RAPGEF4: variants seen among roughly 807,000 people sequenced by gnomAD.
The protein encoded by RAPGEF4 is RAP guanine-nucleotide-exchange factor (GEF) 4.
Under a neutral mutation model 147.9 loss-of-function variants are expected in RAPGEF4, and 66 were observed. The observed-to-expected ratio is 0.45, with a 90% CI of 0.37 to 0.55. RAPGEF4 has a LOEUF of 0.55. RAPGEF4 is among the 20% of genes least tolerant of loss of function. The pLI is 0.00. For missense variants in RAPGEF4, 1,071 were observed against 1,257.3 expected (o/e 0.85, Z 2.24); for synonymous variants, 419 against 442.7 (o/e 0.95, Z 0.67).
Position 173,005,520 on chromosome 2 carries a change from G to GTTTTTTTTTT in RAPGEF4, c.1658+4188_1658+4197dup. Among the ~76,000 whole-genome samples, 79 of 86,714 alleles carry GTTTTTTTTTT rather than the reference G, an allele frequency of 9.1e-4. 2 individuals carry two copies. Among genetic ancestry groups the GTTTTTTTTTT allele is most frequent in the African/African-American group, 1.1e-3 (23 of 21,694 alleles). 56.9% of individuals were successfully genotyped at this position (86,714 alleles called of 152,430 possible). A position where few individuals can be genotyped will look rare whatever the true frequency, so the allele number is the denominator to read the frequency against. ...TTTGTTGTTGTTGTTGTTGTTTTGT[G>GTTTTTTTTTT]TTTTTTTTTTTTTTTTTTTTTGAGA... On this transcript the variant is annotated intron_variant, in intron 17 of 30. Coordinates refer to ENST00000397081, the MANE Select transcript of RAPGEF4 (RefSeq NM_007023.4).
intron 29 of RAPGEF4, among the ~76,000 whole-genome samples, chr2:173,038,526 G>A (rs1380687083): frequency 1.3e-5 from 2 of 152,160 alleles, no homozygotes; most frequent in Non-Finnish European, 2.9e-5. Context: ...TCATAAGTGG[G>A]AGTTGAACAA....
chr2:172,838,826 G>A (rs1691251883), intron 4 of RAPGEF4, among the ~76,000 whole-genome samples: 1 of 148,850 alleles, frequency 6.7e-6, no homozygotes, highest in African/African-American at 2.5e-5. Flanking sequence ...GAGGATGGGA[G>A]GCAAACTTGC....
chr2:173,027,361 T>C, intron 25 of RAPGEF4, 102 bp downstream of exon 25: 3 of 949,802 alleles, frequency 3.2e-6, no homozygotes, highest in South Asian at 1.9e-5. Flanking sequence ...ATCTAGGAAC[T>C]GCTAGAGGGC....
chr2:172,998,411 G>C (rs1395054096), intron 16 of RAPGEF4, among the ~76,000 whole-genome samples: 1 of 152,190 alleles, frequency 6.6e-6, no homozygotes, highest in Non-Finnish European at 1.5e-5. Context: ...ATAGATCTTA[G>C]AGAGTCTTAA....
intron 1 of RAPGEF4, among the ~76,000 whole-genome samples, chr2:172,736,425 G>A (rs550822596): frequency 8.5e-5 from 13 of 152,272 alleles, no homozygotes; most frequent in African/African-American, 2.4e-4. Flanking sequence ...GACCTTGCGG[G>A]GTATGAAGTT....
Position 172,776,745 on chromosome 2 carries a change from A to G in RAPGEF4, c.66-18280A>G, listed in dbSNP as rs568363217. Among the ~76,000 whole-genome samples, 4 of 151,840 alleles carry G rather than the reference A, an allele frequency of 2.6e-5. No individual in the cohort carries two copies. The South Asian group carries it at 8.3e-4, about 32-fold the overall frequency. On this transcript the variant is annotated intron_variant, in intron 1 of 30. Transcript: ENST00000397081. ...TAAGTCCATACAGTGAATTTTTTTC[A>G]TATTTTGTATTTTTAAGTTTTAGAA...
At chr2:172,956,072 T>G (rs180767643) in intron 6 of RAPGEF4, among the ~76,000 whole-genome samples, 1 of 152,334 alleles carries the variant, frequency 6.6e-6, no homozygotes, top group Admixed American at 6.5e-5. Flanking sequence ...AGAGATCGGA[T>G]GCGGGAAGCT....
chr2:172,736,079 G>A (rs1345430260), intron 1 of RAPGEF4, 31 bp downstream of exon 1: 1 of 1,447,178 alleles, frequency 6.9e-7, no homozygotes, highest in Non-Finnish European at 9.1e-7. Context: ...GCCGGGGGCC[G>A]AGCTCTGCGG....
intron 6 of RAPGEF4, among the ~76,000 whole-genome samples, chr2:172,924,187 T>C (rs183258362): frequency 9.8e-5 from 15 of 152,288 alleles, no homozygotes; most frequent in African/African-American, 3.6e-4. Context: ...TCACACAGAA[T>C]GTCCAAGCCC....
chr2:172,830,541 T>C (rs2247800), intron 4 of RAPGEF4, among the ~76,000 whole-genome samples: 145,352 of 152,298 alleles, frequency 0.95, 69,452 homozygotes, highest in Middle Eastern at 0.98. Context: ...CAACTTCAGA[T>C]GATGATACTT....
At chr2:173,011,859 A>AG (rs1295884181) in intron 17 of RAPGEF4, among the ~76,000 whole-genome samples, 1 of 151,874 alleles carries the variant, frequency 6.6e-6, no homozygotes, top group Non-Finnish European at 1.5e-5. Flanking sequence ...TCTCAAAAAA[A>AG]AAAAAACCAC....
At chr2:173,002,259 T>G (rs1694009895) in intron 17 of RAPGEF4, among the ~76,000 whole-genome samples, 1 of 152,210 alleles carries the variant, frequency 6.6e-6, no homozygotes, top group East Asian at 1.9e-4. Context: ...ATACCAAAAT[T>G]TCTTTCTTTG....
Position 172,988,759 on chromosome 2 carries a change from C to T in RAPGEF4, c.1294C>T (p.Arg432Ter), listed in dbSNP as rs761325788. The T allele has an allele frequency of 1.2e-6, 2 of 1,611,916 alleles. No individual in the cohort carries two copies. Among genetic ancestry groups the T allele is most frequent in the African/African-American group, 1.3e-5 (1 of 74,874 alleles). ...GTTAGCACTAGTGAATGATGCCCCA[C>T]GAGCTGCCTCTATCGTCTTACGAGA... is the stretch of plus-strand genomic sequence containing the variant. ...GKLALVNDAP[R>*]AASIVLREDN... The change falls in exon 14 of 31, where the codon CGA becomes TGA. Residue 432 changes from arginine (R) to a stop codon, truncating the protein, a stop_gained. Transcript: ENST00000397081. LOFTEE classifies it high-confidence loss of function.
At chr2:173,011,170 G>GCGCGCTCA (rs564434178) in intron 17 of RAPGEF4, among the ~76,000 whole-genome samples, 1 of 133,500 alleles carries the variant, frequency 7.5e-6, no homozygotes, top group African/African-American at 2.9e-5. Flanking sequence ...GCGCGCGCGC[G>GCGCGCTCA]CACACACACA....
At chr2:172,796,744 C>T (rs946229608) in intron 2 of RAPGEF4, among the ~76,000 whole-genome samples, 2 of 152,168 alleles carry the variant, frequency 1.3e-5, no homozygotes, top group African/African-American at 2.4e-5. Context: ...TGCCAGGACT[C>T]GGTTGTCCCA....
chr2:173,000,725 TTTTC>T (rs1355250120), intron 16 of RAPGEF4, among the ~76,000 whole-genome samples: 9 of 129,644 alleles, frequency 6.9e-5, no homozygotes, highest in Non-Finnish European at 9.9e-5. Context: ...CTTAATCTTG[TTTTC>T]TTTCTTTCTT....
chr2:172,975,732 C>T lies in RAPGEF4; in HGVS notation c.1005-7764C>T, dbSNP rs543927673. ...ATTCATGTAGCACCTTCTCAAAAAACATTTGCATTTTCCATCTCATATGTA... is the reference window on the plus strand; with the variant it reads ...ATTCATGTAGCACCTTCTCAAAAAATATTTGCATTTTCCATCTCATATGTA... On this transcript the variant is annotated intron_variant, in intron 10 of 30. Coordinates refer to ENST00000397081, the MANE Select transcript of RAPGEF4 (RefSeq NM_007023.4). Among the ~76,000 whole-genome samples the T allele has an allele frequency of 4.6e-5, 7 of 152,292 alleles. No homozygotes were observed. The East Asian group carries it at 1.3e-3, about 29-fold the overall frequency.
chr2:172,793,042 G>A (rs1174590991), intron 1 of RAPGEF4, among the ~76,000 whole-genome samples: 1 of 152,210 alleles, frequency 6.6e-6, no homozygotes, highest in Non-Finnish European at 1.5e-5. Flanking sequence ...GGAGGCACAT[G>A]ACTTCTCTGA....
intron 29 of RAPGEF4, among the ~76,000 whole-genome samples, chr2:173,045,223 G>A (rs1575596343): frequency 1.3e-5 from 2 of 152,342 alleles, no homozygotes; most frequent in Non-Finnish European, 2.9e-5. Context: ...CGTGCACAGA[G>A]CAGAAAGCTG....
Sources: gnomAD v4.1 joint callset for allele counts (sites outside exome capture counted in the v4.1 genomes callset) on GRCh38, gnomAD v4.1.1 for gene constraint, MANE v1.5 for transcripts, NCBI Gene and HGNC (gene_info 2026-07-23, HGNC 2026-07-21) for gene names.